The following PAK1 variants were observed in gnomAD, a reference collection of about 807,000 sequenced individuals.
PAK1 encodes the protein serine/threonine-protein kinase PAK 1.
Under a neutral mutation model 67.4 loss-of-function variants are expected in PAK1, and 29 were observed. The observed-to-expected ratio is 0.43, with a 90% CI of 0.32 to 0.59. The LOEUF (loss-of-function observed/expected upper bound fraction) is 0.59. Among genes scored for constraint, PAK1 ranks in the 20% least tolerant of loss-of-function variants. The probability of loss-of-function intolerance (pLI) is 0.07; values close to 1 mark genes in which losing one functional copy is unlikely to be tolerated. For synonymous variants in PAK1, 223 were observed against 237.4 expected (o/e 0.94, Z 0.56); for missense variants, 337 against 670.7 (o/e 0.50, Z 5.50).
At chr11:77,462,131 C>G (rs1161833574) in intron 1 of PAK1, among the ~76,000 whole-genome samples, 1 of 151,832 alleles carries the variant, frequency 6.6e-6, no homozygotes, top group Non-Finnish European at 1.5e-5. Flanking sequence ...TCGAGACCAT[C>G]CTGGCTAACA....
rs1468575463 is a variant in PAK1, at chr11:77,353,482, C to T, written c.836+54G>A. 31 of 1,300,234 alleles carry T rather than the reference C, an allele frequency of 2.4e-5. 1 individual carries two copies. In the East Asian group the frequency reaches 4.2e-4, roughly 17 times the overall value. 80.5% of individuals were successfully genotyped at this position (1,300,234 alleles called of 1,614,324 possible). A position where few individuals can be genotyped will look rare whatever the true frequency, so the allele number is the denominator to read the frequency against. ...AAAAAAAAAGCAAAATCATATATGC[C>T]GGCACACACACTTTAAAGTCATTTC... is the stretch of plus-strand genomic sequence containing the variant. On this transcript the variant is annotated intron_variant, in intron 8 of 14. Transcript: ENST00000356341.
the PAK1 span, among the ~76,000 whole-genome samples, chr11:77,499,730 T>A: frequency 6.6e-6 from 1 of 152,212 alleles, no homozygotes; most frequent in Non-Finnish European, 1.5e-5. Flanking sequence ...AATGTTAATT[T>A]AGAGTTGATG....
the PAK1 span, among the ~76,000 whole-genome samples, chr11:77,501,154 AAAAAAAAC>A: frequency 6.1e-5 from 9 of 147,218 alleles, no homozygotes; most frequent in East Asian, 1.8e-3. Flanking sequence ...CCGTCTCAAA[AAAAAAAAC>A]AAAAAACAAA....
At chr11:77,401,225 C>A (rs1952638527) in intron 1 of PAK1, among the ~76,000 whole-genome samples, 1 of 152,090 alleles carries the variant, frequency 6.6e-6, no homozygotes, top group South Asian at 2.1e-4. Flanking sequence ...TTATATTGTG[C>A]CAGGAGGTTT....
chr11:77,386,626 C>A (rs937969005), intron 2 of PAK1, among the ~76,000 whole-genome samples: 2 of 152,146 alleles, frequency 1.3e-5, no homozygotes, highest in African/African-American at 4.8e-5. Context: ...ACATTCTACC[C>A]ACTGGCAGCT....
chr11:77,460,612 T>A (rs77833487), intron 1 of PAK1, among the ~76,000 whole-genome samples: 2,850 of 152,044 alleles, frequency 0.019, 41 homozygotes, highest in Middle Eastern at 0.037. Flanking sequence ...GTTTGAATGA[T>A]GCTTAGGGTA....
chr11:77,360,404 T>C (rs1287310936), intron 5 of PAK1, among the ~76,000 whole-genome samples: 1 of 152,204 alleles, frequency 6.6e-6, no homozygotes, highest in Non-Finnish European at 1.5e-5. Flanking sequence ...TAAATCGCTT[T>C]AAGTTCCAAA....
chr11:77,363,982 C>T (rs1177490096), intron 5 of PAK1, among the ~76,000 whole-genome samples: 3 of 152,248 alleles, frequency 2.0e-5, no homozygotes, highest in African/African-American at 7.2e-5. Flanking sequence ...CAAGAACATT[C>T]ACTTTGTGCT....
At chr11:77,353,267 G>A (rs1444952692) in intron 8 of PAK1, 1 of 357,500 alleles carries the variant, frequency 2.8e-6, no homozygotes, top group Non-Finnish European at 5.1e-6. Flanking sequence ...AATTTGGGAA[G>A]TTGGTTTTGT....
At position 77,392,365 on chromosome 11, in the gene PAK1, G is replaced by C; in HGVS notation, c.156C>G (p.Asp52Glu). The change falls in exon 2 of 15, where the codon GAC becomes GAG. Residue 52 changes from aspartate (D) to glutamate (E), a missense_variant. This residue lies in a region of PAK1 where 43 missense variants were observed against 141.5 expected (regional missense o/e 0.30). Coordinates refer to ENST00000356341, the MANE Select transcript of PAK1 (RefSeq NM_002576.5). The part of the protein sequence containing the change: ...PPNPEEKKKK[D>E]RFYRSILPGD... ...CAGGTAAAATGGATCGGTAAAATCG[G>C]TCCTTCTTTTTCTTCTCCTCTGGGT... 6.2e-7 allele frequency: 1 copy of C among 1,606,584 alleles called. No individual in the cohort carries two copies. The highest frequency in any genetic ancestry group is 8.5e-7 in the Non-Finnish European group (1 of 1,175,324).
intron 5 of PAK1, among the ~76,000 whole-genome samples, chr11:77,364,685 G>A (rs1947262537): frequency 6.6e-6 from 1 of 152,042 alleles, no homozygotes; most frequent in African/African-American, 2.4e-5. Context: ...GCACGACCTA[G>A]GGGGAAAAAA....
chr11:77,476,447 A>G (rs555990317), upstream of PAK1: 2 of 152,316 alleles, frequency 1.3e-5, no homozygotes, highest in East Asian at 3.9e-4. Context: ...TCACATTCCA[A>G]TCCCTGGGAA....
At chr11:77,488,973 CCCAAATAA>C in the PAK1 span, among the ~76,000 whole-genome samples, 2 of 152,008 alleles carry the variant, frequency 1.3e-5, no homozygotes, top group Non-Finnish European at 2.9e-5. Flanking sequence ...GTAGATTTAG[CCCAAATAA>C]AACTACCTTG....
intron 6 of PAK1, chr11:77,356,437 GTGA>G (rs1946052251): frequency 6.6e-6 from 1 of 152,220 alleles, no homozygotes; most frequent in Non-Finnish European, 1.5e-5. Context: ...GTAGTAGAGT[GTGA>G]TGATTTAGAA....
At chr11:77,383,662 TG>T (rs1309311432) in intron 2 of PAK1, among the ~76,000 whole-genome samples, 4 of 152,050 alleles carry the variant, frequency 2.6e-5, no homozygotes, top group African/African-American at 9.7e-5. Context: ...ATTCACCAGT[TG>T]GGGATCACCA....
the PAK1 span, among the ~76,000 whole-genome samples, chr11:77,509,233 G>A: frequency 6.6e-6 from 1 of 151,682 alleles, no homozygotes; most frequent in African/African-American, 2.4e-5. Context: ...ACTCCAGCCT[G>A]GGCGACTGAG....
Position 77,358,990 on chromosome 11 carries a change from C to T in PAK1, c.505G>A (p.Ala169Thr), listed in dbSNP as rs753260953. The T allele has an allele frequency of 4.3e-6, 7 of 1,613,244 alleles. No individual in the cohort carries two copies. Among genetic ancestry groups the T allele is most frequent in the Non-Finnish European group, 5.9e-6 (7 of 1,179,448 alleles). ...LNVKAVSETPAVPPVSEDEDD... is the reference protein window; with the variant it reads ...LNVKAVSETPTVPPVSEDEDD... ...TCATCTTCTGAAACTGGTGGCACTGCAGGAGTCTCAGACACAGCCTTCACA... is the reference window on the plus strand; with the variant it reads ...TCATCTTCTGAAACTGGTGGCACTGTAGGAGTCTCAGACACAGCCTTCACA... Residue 169 changes from alanine (A) to threonine (T), a missense_variant, in exon 6 of 15, where the codon GCA becomes ACA. Coordinates refer to ENST00000356341, the MANE Select transcript of PAK1 (RefSeq NM_002576.5).
At chr11:77,377,313 T>C (rs1160929684) in intron 4 of PAK1, among the ~76,000 whole-genome samples, 8 of 152,040 alleles carry the variant, frequency 5.3e-5, no homozygotes, top group Non-Finnish European at 1.0e-4. Context: ...TCATAACTAA[T>C]AGTATAAGAG....
intron 13 of PAK1, among the ~76,000 whole-genome samples, chr11:77,335,459 AC>A (rs1435741249): frequency 6.6e-6 from 1 of 152,176 alleles, no homozygotes; most frequent in African/African-American, 2.4e-5. Context: ...AGCAATTCAG[AC>A]CAGAAATCTT....
Sources: allele counts gnomAD v4.1 joint callset (sites outside exome capture counted in the v4.1 genomes callset), GRCh38; gene constraint gnomAD v4.1.1; regional missense constraint gnomAD v4.1.1; transcripts MANE v1.5; gene names NCBI Gene and HGNC (gene_info 2026-07-23, HGNC 2026-07-21).